Variants in HTT observed in about 807,000 individuals in gnomAD.
HTT encodes the protein huntington disease protein.
HTT carries 104 observed loss-of-function variants against 362.3 expected under a neutral mutation model. The observed-to-expected ratio is 0.29, with a 90% CI of 0.24 to 0.34. The LOEUF (loss-of-function observed/expected upper bound fraction) is 0.34. Among genes scored for constraint, HTT ranks in the 10% least tolerant of loss-of-function variants. The probability of loss-of-function intolerance (pLI) is 1.00; values close to 1 mark genes in which losing one functional copy is unlikely to be tolerated. For synonymous variants in HTT, 1,577 were observed against 1,548.7 expected (o/e 1.02, Z -0.43); for missense variants, 3,301 against 3,928.6 (o/e 0.84, Z 4.27).
At chr4:3,087,685 C>G (rs976936246) in intron 2 of HTT, among the ~76,000 whole-genome samples, 7 of 152,200 alleles carry the variant, frequency 4.6e-5, no homozygotes, top group African/African-American at 1.7e-4. Flanking sequence ...TTCTGTTACC[C>G]ACATGGGCAT....
intron 51 of HTT, among the ~76,000 whole-genome samples, chr4:3,217,040 T>A (rs746095633): frequency 0.016 from 2,337 of 150,004 alleles, 49 homozygotes; most frequent in African/African-American, 0.054. Flanking sequence ...AAAAAAAAAA[T>A]ATTAATAAAG....
At chr4:3,163,615 T>G (rs1447175590) in intron 29 of HTT, among the ~76,000 whole-genome samples, 1 of 152,232 alleles carries the variant, frequency 6.6e-6, no homozygotes, top group East Asian at 1.9e-4. Context: ...TATCAGTCTA[T>G]TCAGAGATTC....
chr4:3,119,845 A>G (rs1348911499), intron 8 of HTT, among the ~76,000 whole-genome samples: 1 of 152,210 alleles, frequency 6.6e-6, no homozygotes, highest in Non-Finnish European at 1.5e-5. Flanking sequence ...TAAGCTGATT[A>G]CGTAGAGCAG....
At chr4:3,145,531 A>G (rs363104) in intron 24 of HTT, among the ~76,000 whole-genome samples, 19,731 of 152,172 alleles carry the variant, frequency 0.13, 2,442 homozygotes, top group African/African-American at 0.33. Context: ...ACTCTTTCCA[A>G]AATTATTTGC....
At chr4:3,193,871 G>A (rs899678024) in intron 40 of HTT, among the ~76,000 whole-genome samples, 4 of 152,200 alleles carry the variant, frequency 2.6e-5, no homozygotes, top group African/African-American at 9.7e-5. Context: ...GAGAGGGCAC[G>A]TGGGTTTCCT....
At position 3,115,295 on chromosome 4, in the gene HTT, C is replaced by A; in HGVS notation, c.748-9C>A. Reference sequence around the variant, plus strand: ...CATCTTTTATCTACTTGGACTTTTGCTTCCGTAGGTTTTGTTAAAGGCCTT... The same window carrying A: ...CATCTTTTATCTACTTGGACTTTTGATTCCGTAGGTTTTGTTAAAGGCCTT... On this transcript the variant is annotated splice_polypyrimidine_tract_variant and intron_variant, in intron 6 of 66. Coordinates refer to ENST00000355072, the MANE Select transcript of HTT (RefSeq NM_001388492.1). 6.2e-7 allele frequency: 1 copy of A among 1,611,934 alleles called. No homozygotes were observed. Among genetic ancestry groups the A allele is most frequent in the Non-Finnish European group, 8.5e-7 (1 of 1,178,796 alleles).
chr4:3,074,932 A>AACAGCCGCC lies in HTT; in HGVS notation c.107_108insACAGCCGCC (p.Gln37_Gln38insProProGln). The AACAGCCGCC allele has an allele frequency of 3.9e-6, 5 of 1,277,748 alleles. No homozygotes were observed. The East Asian group carries it at 1.6e-4, about 42-fold the overall frequency. The allele number at this position is 1,277,748 out of a possible 1,614,324, so 79.2% of individuals were successfully genotyped here. On this transcript the variant is annotated inframe_insertion, in exon 1 of 67. Transcript: ENST00000355072. ...CAGCAGCAGCAGCAGCAGCAGCAGC[A>AACAGCCGCC]GCAACAGCCGCCACCGCCGCCGCCG...
chr4:3,164,334 T>C (rs55960707), intron 29 of HTT, among the ~76,000 whole-genome samples: 26,575 of 152,060 alleles, frequency 0.17, 3,437 homozygotes, highest in African/African-American at 0.37. Flanking sequence ...CTGAGGAGTG[T>C]TTTACTTCCA....
chr4:3,112,707 G>T (rs1427967899), intron 6 of HTT, among the ~76,000 whole-genome samples: 1 of 152,166 alleles, frequency 6.6e-6, no homozygotes, highest in Non-Finnish European at 1.5e-5. Context: ...GTGCTACTGT[G>T]ACCACTCTTA....
At chr4:3,213,583 A>G (rs1237640066) in intron 49 of HTT, among the ~76,000 whole-genome samples, 1 of 152,190 alleles carries the variant, frequency 6.6e-6, no homozygotes, top group East Asian at 1.9e-4. Context: ...AAGGCCTGCT[A>G]TCCCTAGAAC....
At chr4:3,101,936 G>T (rs1039530085) in intron 3 of HTT, among the ~76,000 whole-genome samples, 5 of 152,234 alleles carry the variant, frequency 3.3e-5, no homozygotes, top group African/African-American at 1.2e-4. Flanking sequence ...ACCGCCTCTT[G>T]TCTCAAGGGG....
intron 29 of HTT, among the ~76,000 whole-genome samples, chr4:3,163,978 T>C (rs901595226): frequency 2.0e-5 from 3 of 152,302 alleles, no homozygotes; most frequent in Admixed American, 2.0e-4. Flanking sequence ...CTTTTGAATT[T>C]GTTTGCTCTT....
In HTT at chr4:3,225,626, G is replaced by T. The variant is rs762996078; in HGVS notation, c.7766-35G>T. The T allele has an allele frequency of 2.7e-5, 43 of 1,599,338 alleles. No homozygotes were observed. In the East Asian group the frequency reaches 8.9e-4, roughly 33 times the overall value. Reference sequence around the variant, plus strand: ...GGTGGGCCTGCGGCCCTGCCCCCCTGTGCAGATCAAGACTCAGGGTGCTGG... The same window carrying T: ...GGTGGGCCTGCGGCCCTGCCCCCCTTTGCAGATCAAGACTCAGGGTGCTGG... On this transcript the variant is annotated intron_variant, in intron 56 of 66. Transcript: ENST00000355072.
At chr4:3,111,215 A>T (rs113118385) in intron 6 of HTT, among the ~76,000 whole-genome samples, 1,628 of 139,062 alleles carry the variant, frequency 0.012, 31 homozygotes, top group African/African-American at 0.041. Flanking sequence ...TTTTTTTGAG[A>T]TGGAGTCCTA....
chr4:3,085,181 A>C (rs1033833715), intron 1 of HTT, among the ~76,000 whole-genome samples: 3 of 151,044 alleles, frequency 2.0e-5, no homozygotes, highest in Non-Finnish European at 4.4e-5. Flanking sequence ...TCTGTTCCCC[A>C]GGCTAGAGTG....
At chr4:3,104,925 A>G (rs1293544377) in intron 4 of HTT, among the ~76,000 whole-genome samples, 1 of 152,124 alleles carries the variant, frequency 6.6e-6, no homozygotes, top group Non-Finnish European at 1.5e-5. Context: ...AAAAAAACAA[A>G]AAACAAACCA....
At chr4:3,145,079 AG>A in intron 23 of HTT, 72 bp from the exon 24 acceptor site, 2 of 1,080,410 alleles carry the variant, frequency 1.9e-6, no homozygotes, top group Non-Finnish European at 2.9e-6. Flanking sequence ...CTTTTTATAA[AG>A]GGTAACAGGA....
intron 25 of HTT, 95 bp from the exon 26 acceptor site, chr4:3,147,910 C>T (rs1716686429): frequency 6.2e-6 from 6 of 964,246 alleles, no homozygotes; most frequent in Non-Finnish European, 9.3e-6. Flanking sequence ...CTGGCCAACT[C>T]TCAACATAGG....
intron 11 of HTT, among the ~76,000 whole-genome samples, chr4:3,126,579 T>G (rs1268179847): frequency 2.0e-5 from 3 of 151,954 alleles, no homozygotes; most frequent in Admixed American, 1.3e-4. Context: ...GATTTTTTTT[T>G]GATTACACAA....
Sources: allele counts gnomAD v4.1 joint callset (sites outside exome capture counted in the v4.1 genomes callset), GRCh38; gene constraint gnomAD v4.1.1; transcripts MANE v1.5; gene names NCBI Gene and HGNC (gene_info 2026-07-23, HGNC 2026-07-21).